CSF1R: variants seen among roughly 807,000 people sequenced by gnomAD.
CSF1R encodes the protein colony stimulating factor 1 receptor.
CSF1R carries 40 observed loss-of-function variants against 110.0 expected under a neutral mutation model. The observed-to-expected ratio is 0.36, with a 90% CI of 0.28 to 0.47. The LOEUF is 0.47. CSF1R is among the 20% of genes least tolerant of loss of function. CSF1R has a pLI of 0.99. For synonymous variants in CSF1R, 523 were observed against 503.4 expected (o/e 1.04, Z -0.52); for missense variants, 1,052 against 1,253.0 (o/e 0.84, Z 2.42).
intron 1 of CSF1R, among the ~76,000 whole-genome samples, chr5:150,083,133 G>A (rs1002706977): frequency 6.6e-4 from 101 of 152,134 alleles, no homozygotes; most frequent in African/African-American, 2.1e-3. Flanking sequence ...GGCTAGCAGG[G>A]AAGGAAGCCG....
Position 150,057,510 on chromosome 5 carries a change from C to A in CSF1R, c.2215G>T (p.Glu739Ter). ...VSTSSNDSFS[E>*]QDLDKEDGRP... The stretch of plus-strand genomic sequence containing the variant: ...GGCCCTGGGACCTCCTCACCTTGCT[C>A]AGAGAAGGAGTCATTTGAAGAAGTG... The change falls in exon 15 of 21, where the codon GAG becomes TAG. Residue 739 changes from glutamate to a stop codon, truncating the protein, a stop_gained. Coordinates refer to ENST00000675795, the MANE Select transcript of CSF1R (RefSeq NM_001288705.3). LOFTEE classifies it high-confidence loss of function. 1 of 1,614,168 alleles carries A rather than the reference C, an allele frequency of 6.2e-7. No homozygotes were observed. The highest frequency in any genetic ancestry group is 1.1e-5 in the South Asian group (1 of 91,088).
chr5:150,057,568 ACC>A lies in CSF1R; in HGVS notation c.2155_2156del (p.Gly719CysfsTer16), dbSNP rs781457547. ...VRRDSGFSSQ[G>X]VDTYVEMRPV... Reference sequence around the variant, plus strand: ...GCCTCATCTCCACATAGGTGTCCACACCCTGGCTGGAGAAGCCACTGTCCCTA... The same window carrying A: ...GCCTCATCTCCACATAGGTGTCCACACTGGCTGGAGAAGCCACTGTCCCTA... On this transcript the variant is annotated frameshift_variant, in exon 15 of 21. Coordinates refer to ENST00000675795, the MANE Select transcript of CSF1R (RefSeq NM_001288705.3). LOFTEE classifies it high-confidence loss of function. 1 of 1,614,032 alleles carries A rather than the reference ACC, an allele frequency of 6.2e-7. No homozygotes were observed. Among genetic ancestry groups the A allele is most frequent in the South Asian group, 1.1e-5 (1 of 91,078 alleles).
chr5:150,077,910 C>G (rs565477483), intron 4 of CSF1R, among the ~76,000 whole-genome samples: 3 of 150,172 alleles, frequency 2.0e-5, no homozygotes, highest in Non-Finnish European at 4.4e-5. Context: ...CAAAGTTCAG[C>G]GGCACAAGCA....
chr5:150,097,424 AAG>A (rs1415420129), intron 1 of CSF1R, among the ~76,000 whole-genome samples: 4 of 152,110 alleles, frequency 2.6e-5, no homozygotes, highest in South Asian at 4.2e-4. Flanking sequence ...AAAAGAAAGA[AAG>A]AAAAGAAGAA....
At chr5:150,061,462 C>A in intron 12 of CSF1R, 29 bp downstream of exon 12, 8 of 882,808 alleles carry the variant, frequency 9.1e-6, no homozygotes, top group East Asian at 3.2e-5. Context: ...CACCCCCCAT[C>A]CCTTCCCTCA....
intron 7 of CSF1R, 25 bp downstream of exon 7, chr5:150,070,431 G>A (rs746897218): frequency 1.3e-6 from 2 of 1,550,150 alleles, no homozygotes; most frequent in East Asian, 4.6e-5. Context: ...CTCCGCCCCA[G>A]GTGGCGCTCG....
chr5:150,073,353 C>A lies in CSF1R; in HGVS notation c.1030G>T (p.Asp344Tyr). ...GCAAGCTTGGGCTCAGGCTGGTGGT[C>A]AGAAAAGGGTCCCAGGTAGGTCCAG... is the stretch of plus-strand genomic sequence containing the variant. ...FNWTYLGPFS[D>Y]HQPEPKLANA... The change falls in exon 6 of 21, where the codon GAC becomes TAC. Residue 344 changes from aspartate (D) to tyrosine (Y), a missense_variant. This residue lies in a region of CSF1R where 693 missense variants were observed against 735.4 expected (regional missense o/e 0.94). Transcript: ENST00000675795. 6.2e-7 allele frequency: 1 copy of A among 1,613,936 alleles called. No individual in the cohort carries two copies. Among genetic ancestry groups the A allele is most frequent in the South Asian group, 1.1e-5 (1 of 91,052 alleles).
rs563860292 is a variant in CSF1R, at chr5:150,106,289, ACT to A, written c.-181+6970_-181+6971del. Reference sequence around the variant, plus strand: ...TGCATGACAGCCCAAGGATTAGGAAACTCTGAAGAAATGTGTGGGCCATGTCA... The same window carrying A: ...TGCATGACAGCCCAAGGATTAGGAAACTGAAGAAATGTGTGGGCCATGTCA... On this transcript the variant is annotated intron_variant, in intron 1 of 21. Coordinates refer to the CSF1R transcript ENST00000286301. 4.5e-4 allele frequency among the ~76,000 whole-genome samples: 68 copies of A among 152,088 alleles called. No homozygotes were observed. The South Asian group carries it at 4.8e-3, about 11-fold the overall frequency.
intron 1 of CSF1R, among the ~76,000 whole-genome samples, chr5:150,109,062 C>CCCG (rs1411364118): frequency 3.3e-5 from 4 of 121,206 alleles, no homozygotes; most frequent in African/African-American, 1.1e-4. Context: ...AAGCCCGCCC[C>CCCG]CCCCCCACCA....
chr5:150,100,738 T>C (rs1759380134), intron 1 of CSF1R, among the ~76,000 whole-genome samples: 1 of 152,022 alleles, frequency 6.6e-6, no homozygotes, highest in African/African-American at 2.4e-5. Flanking sequence ...CAGGCATACG[T>C]GCAATAGAAA....
intron 10 of CSF1R, among the ~76,000 whole-genome samples, chr5:150,065,369 C>T (rs1194244047): frequency 4.6e-5 from 7 of 152,226 alleles, no homozygotes; most frequent in Admixed American, 4.6e-4. Context: ...CCCTCCCTTC[C>T]CTGCTGCCTC....
chr5:150,101,544 T>TGAACAGCAAAGGC (rs1368211426), intron 1 of CSF1R, among the ~76,000 whole-genome samples: 1 of 151,806 alleles, frequency 6.6e-6, no homozygotes, highest in Admixed American at 6.6e-5. Flanking sequence ...TGAAAAGAAA[T>TGAACAGCAAAGGC]GAACAGCAAA....
chr5:150,058,345 C>G (rs1581284228), intron 14 of CSF1R: 1 of 456,216 alleles, frequency 2.2e-6, no homozygotes, highest in Non-Finnish European at 4.4e-6. Flanking sequence ...TCCTAACGTT[C>G]CAGCCAGATA....
chr5:150,084,443 GAAGGAAGGAAGGAAGA>G lies in CSF1R; in HGVS notation c.49+1920_49+1935del, dbSNP rs1400775078. On this transcript the variant is annotated intron_variant, in intron 1 of 20. Coordinates refer to ENST00000675795, the MANE Select transcript of CSF1R (RefSeq NM_001288705.3). ...GGAAGGAAGGAAGGAAGGAAGGAAG[GAAGGAAGGAAGGAAGA>G]AAGAAAGGAAGGAGATGGAGTCTTG... 1.6e-3 allele frequency among the ~76,000 whole-genome samples: 166 copies of G among 100,714 alleles called. 3 individuals are homozygous for G. Among genetic ancestry groups the G allele is most frequent in the African/African-American group, 3.9e-3 (77 of 19,778 alleles). 66.1% of individuals were successfully genotyped at this position (100,714 alleles called of 152,430 possible).
intron 10 of CSF1R, among the ~76,000 whole-genome samples, chr5:150,063,122 A>C (rs963689749): frequency 6.6e-6 from 1 of 151,922 alleles, no homozygotes; most frequent in Non-Finnish European, 1.5e-5. Context: ...GGTTCAAGCA[A>C]TCCTCCCACC....
chr5:150,061,139 A>G (rs1413215771), intron 12 of CSF1R, among the ~76,000 whole-genome samples, 167 bp from the exon 13 acceptor site: 1 of 152,216 alleles, frequency 6.6e-6, no homozygotes, highest in African/African-American at 2.4e-5. Context: ...GCAGACACAC[A>G]GATGGCAGAG....
chr5:150,085,479 A>G (rs916257082), intron 1 of CSF1R, among the ~76,000 whole-genome samples: 1 of 151,966 alleles, frequency 6.6e-6, no homozygotes, highest in Non-Finnish European at 1.5e-5. Flanking sequence ...TAAGCAGGCA[A>G]TAGAAATGTG....
intron 10 of CSF1R, among the ~76,000 whole-genome samples, chr5:150,062,354 G>A (rs1196106005): frequency 6.8e-6 from 1 of 146,540 alleles, no homozygotes; most frequent in Non-Finnish European, 1.5e-5. Flanking sequence ...ATTCTACCTT[G>A]TGCAACCAGT....
chr5:150,055,631 G>T (rs530965888), intron 18 of CSF1R, among the ~76,000 whole-genome samples: 1 of 152,314 alleles, frequency 6.6e-6, no homozygotes, highest in African/African-American at 2.4e-5. Context: ...GGTTATGAGG[G>T]TATAGGAGCA....
Sources: allele counts gnomAD v4.1 joint callset (sites outside exome capture counted in the v4.1 genomes callset), GRCh38; gene constraint gnomAD v4.1.1; regional missense constraint gnomAD v4.1.1; transcripts MANE v1.5; gene names NCBI Gene and HGNC (gene_info 2026-07-23, HGNC 2026-07-21).